KISS1R: variants seen among roughly 807,000 people sequenced by gnomAD.
KISS1R encodes kiSS-1 receptor.
Under a neutral mutation model 22.0 loss-of-function variants are expected in KISS1R, and 19 were observed. The ratio of observed to expected loss-of-function variants is 0.86; its 90% CI spans 0.60 to 1.26. KISS1R has a LOEUF of 1.26. Among genes scored for constraint, KISS1R ranks in the 50% most tolerant of loss-of-function variants. The probability of loss-of-function intolerance (pLI) is 0.00; values close to 1 mark genes in which losing one functional copy is unlikely to be tolerated. For synonymous variants in KISS1R, 302 were observed against 283.9 expected, an observed-to-expected ratio of 1.06 and a Z score of -0.64; for missense variants, 653 against 581.9, an observed-to-expected ratio of 1.12 and a Z score of -1.26.
At position 918,560 on chromosome 19, in the gene KISS1R, G is replaced by T; in HGVS notation, c.261G>T (p.Thr87=). The T allele has an allele frequency of 1.3e-6, 2 of 1,550,706 alleles. No homozygotes were observed. Among genetic ancestry groups the T allele is most frequent in the Non-Finnish European group, 8.7e-7 (1 of 1,147,292 alleles). ...CCACCGCAGCCAACCTGGCGGCCAC[G>T]GACGTGACCTTCCTCCTGTGCTGCG... The part of the protein sequence containing the change: ...TNFYIANLAA[T]DVTFLLCCVP... Residue 87 remains threonine (T), a synonymous_variant, in exon 2 of 5, where the codon ACG becomes ACT. Coordinates refer to ENST00000234371, the MANE Select transcript of KISS1R (RefSeq NM_032551.5).
chr19:917,793 G>C, intron 1 of KISS1R, 47 bp downstream of exon 1: 1 of 1,561,020 alleles, frequency 6.4e-7, no homozygotes, highest in Non-Finnish European at 8.7e-7. Flanking sequence ...CGGGGGCTCC[G>C]AGGGCCGAGC....
rs2037082005 is a variant in KISS1R, at chr19:918,658, A to G, written c.359A>G (p.Tyr120Cys). ...LGDFMCKFVN[Y>C]IQQVSVQATC... is the part of the protein sequence containing the mutation. ...GACTTCATGTGCAAGTTCGTCAACT[A>G]CATCCAGCAGGTGCGCTCCGGAGCA... is the stretch of plus-strand genomic sequence containing the variant. Residue 120 changes from tyrosine (Y) to cysteine (C), a missense_variant, in exon 2 of 5, where the codon TAC (tyrosine) becomes TGC (cysteine). Physicochemically the swap from Tyr to Cys is radical, Grantham distance 194. Transcript: ENST00000234371. 1.9e-6 allele frequency: 3 copies of G among 1,549,448 alleles called. No individual in the cohort carries two copies. Among genetic ancestry groups the G allele is most frequent in the South Asian group, 1.2e-5 (1 of 84,052 alleles).
rs1352014701 is a variant in KISS1R, at chr19:920,775, TCC to T, written c.*29_*30del. The T allele has an allele frequency of 3.2e-6, 4 of 1,261,864 alleles. No individual in the cohort carries two copies. In the African/African-American group the frequency reaches 6.1e-5, roughly 19 times the overall value. 78.2% of individuals were successfully genotyped at this position (1,261,864 alleles called of 1,614,324 possible). A position where few individuals can be genotyped will look rare whatever the true frequency, so the allele number is the denominator to read the frequency against. ...CGGACCCGGTGGGAATCCGAGCGGC[TCC>T]CTCGGGAGCGGGGACTGCTGGAACA... On this transcript the variant is annotated 3_prime_UTR_variant, in exon 5 of 5. Coordinates refer to ENST00000234371, the MANE Select transcript of KISS1R (RefSeq NM_032551.5).
In KISS1R at chr19:918,407, GGGGA is replaced by G. The variant is rs145349054; in HGVS notation, c.245-133_245-130del. 0.54 allele frequency: 505,195 copies of G among 936,200 alleles called. 114,550 individuals are homozygous for G. The highest frequency in any genetic ancestry group is 0.73 in the African/African-American group (41,649 of 57,082). 58.0% of individuals were successfully genotyped at this position (936,200 alleles called of 1,614,324 possible). ...CCGCCCGAGGAGGCCAGGGGCGCTG[GGGGA>G]GGGGGGGGCCTCCCTGAGCCATCCT... On this transcript the variant is annotated intron_variant, in intron 1 of 4. Transcript: ENST00000234371.
At chr19:918,714 G>T in intron 2 of KISS1R, 46 bp downstream of exon 2, 2 of 1,529,274 alleles carry the variant, frequency 1.3e-6, no homozygotes, top group Non-Finnish European at 1.8e-6. Context: ...GGGGACGGGC[G>T]GGGGTGCGCT....
chr19:920,175 TGG>T, intron 4 of KISS1R, 69 bp downstream of exon 4: 2 of 1,480,844 alleles, frequency 1.4e-6, no homozygotes, highest in Non-Finnish European at 8.9e-7. Flanking sequence ...GAGGCGCCGG[TGG>T]GGGCATCTGC....
At position 919,585 on chromosome 19, in the gene KISS1R, G is replaced by T. The variant is rs1182761485; in HGVS notation, c.465G>T (p.Thr155=). The T allele has an allele frequency of 3.2e-6, 5 of 1,550,678 alleles. No homozygotes were observed. In the African/African-American group the frequency reaches 6.9e-5, roughly 21 times the overall value. Residue 155 remains threonine, a synonymous_variant, in exon 3 of 5, where the codon ACG becomes ACT. Coordinates refer to ENST00000234371, the MANE Select transcript of KISS1R (RefSeq NM_032551.5). ...VFPLRALHRR[T]PRLALAVSLS... is the part of the protein sequence containing the mutation. Reference sequence around the variant, plus strand: ...CGTTGCGCGCCCTGCACCGCCGCACGCCCCGCCTGGCGCTGGCTGTCAGCC... The same window carrying T: ...CGTTGCGCGCCCTGCACCGCCGCACTCCCCGCCTGGCGCTGGCTGTCAGCC...
rs1599369419 is a variant in KISS1R, at chr19:917,649, C to T, written c.147C>T (p.Phe49=). 1 of 1,589,414 alleles carries T rather than the reference C, an allele frequency of 6.3e-7. No homozygotes were observed. The highest frequency in any genetic ancestry group is 8.5e-7 in the Non-Finnish European group (1 of 1,169,826). ...AVDAWLVPLF[F]AALMLLGLVG... is the part of the protein sequence containing the mutation. ...ACGCCTGGCTCGTGCCGCTCTTCTT[C>T]GCGGCGCTGATGCTGCTGGGCCTGG... Residue 49 remains phenylalanine (F), a synonymous_variant, in exon 1 of 5, where the codon TTC becomes TTT. Transcript: ENST00000234371.
In KISS1R at chr19:919,937, A is replaced by T. The variant is rs2030638483; in HGVS notation, c.569A>T (p.Tyr190Phe). The change falls in exon 4 of 5, where the codon TAC becomes TTC. Residue 190 changes from tyrosine (Y) to phenylalanine (F), a missense_variant. Transcript: ENST00000234371. ...LHRLSPGPRA[Y>F]CSEAFPSRAL... is the part of the protein sequence containing the mutation. ...CGCCTGTCACCCGGGCCGCGCGCCT[A>T]CTGCAGTGAGGCCTTCCCCAGCCGC... 1 of 1,567,090 alleles carries T rather than the reference A, an allele frequency of 6.4e-7. No homozygotes were observed. Among genetic ancestry groups the T allele is most frequent in the Non-Finnish European group, 8.6e-7 (1 of 1,159,902 alleles).
In KISS1R at chr19:920,619, C is replaced by T. The variant is rs1182797274; in HGVS notation, c.1068C>T (p.Pro356=). 7.3e-7 allele frequency: 1 copy of T among 1,372,402 alleles called. No homozygotes were observed. The highest frequency in any genetic ancestry group is 9.3e-7 in the Non-Finnish European group (1 of 1,073,162). 85.0% of individuals were successfully genotyped at this position (1,372,402 alleles called of 1,614,324 possible). The change falls in exon 5 of 5, where the codon CCC becomes CCT. Residue 356 remains proline (P), a synonymous_variant. Transcript: ENST00000234371. ...CCCGCCGGCCCGGACCCTCGGACCC[C>T]GCAGCCCCACACGCGGAGCTGCTCC... The part of the protein sequence containing the change: ...RRPRRPGPSD[P]AAPHAELLRL...
At position 920,280 on chromosome 19, in the gene KISS1R, A is replaced by AC. The variant is rs527398797; in HGVS notation, c.739-3dup. 3.8e-5 allele frequency: 60 copies of AC among 1,565,990 alleles called. No homozygotes were observed. The highest frequency in any genetic ancestry group is 2.3e-4 in the Middle Eastern group (1 of 4,416). ...CCTTTCGTCTAACCACCTTCACGGC[A>AC]CCCCCCCAGGGGCAGGTGCTGGCAG... On this transcript the variant is annotated splice_polypyrimidine_tract_variant and intron_variant, in intron 4 of 4. Coordinates refer to ENST00000234371, the MANE Select transcript of KISS1R (RefSeq NM_032551.5).
Position 919,886 on chromosome 19 carries a change from T to C in KISS1R, c.518T>C (p.Val173Ala). Residue 173 changes from valine (V) to alanine (A), a missense_variant, in exon 4 of 5, where the codon GTG becomes GCG. Val to Ala is a moderately conservative substitution (Grantham distance 64). Coordinates refer to ENST00000234371, the MANE Select transcript of KISS1R (RefSeq NM_032551.5). ...GCTTGTGGCACAGGCTCTGCGGCGG[T>C]GTCTGCGCCGGTGCTCGCCCTGCAC... ...SLSIWVGSAA[V>A]SAPVLALHRL... 6.5e-7 allele frequency: 1 copy of C among 1,536,024 alleles called. No homozygotes were observed. Among genetic ancestry groups the C allele is most frequent in the Non-Finnish European group, 8.7e-7 (1 of 1,146,200 alleles).
At position 918,668 on chromosome 19, in the gene KISS1R, G is replaced by A; in HGVS notation, c.369G>A (p.Gln123=). Residue 123 remains glutamine, a splice_region_variant and synonymous_variant, in exon 2 of 5, where the codon CAG becomes CAA. Transcript: ENST00000234371. ...FMCKFVNYIQ[Q]VSVQATCATL... ...GCAAGTTCGTCAACTACATCCAGCAGGTGCGCTCCGGAGCAGGAGGGGAGA... is the reference window on the plus strand; with the variant it reads ...GCAAGTTCGTCAACTACATCCAGCAAGTGCGCTCCGGAGCAGGAGGGGAGA... The A allele has an allele frequency of 1.3e-6, 2 of 1,550,268 alleles. No individual in the cohort carries two copies. Among genetic ancestry groups the A allele is most frequent in the Non-Finnish European group, 1.7e-6 (2 of 1,146,776 alleles).
In KISS1R at chr19:917,483, A is replaced by G; in HGVS notation, c.-20A>G. The G allele has an allele frequency of 1.4e-6, 2 of 1,444,846 alleles. No individual in the cohort carries two copies. The highest frequency in any genetic ancestry group is 1.4e-5 in the South Asian group (1 of 71,662). The allele number at this position is 1,444,846 out of a possible 1,614,324, so 89.5% of individuals were successfully genotyped here. ...GGCGCAATCCTGGAGGGCGGCCGGGAGGAGGAGGTGCGCGCGGCCATGCAC... is the reference window on the plus strand; with the variant it reads ...GGCGCAATCCTGGAGGGCGGCCGGGGGGAGGAGGTGCGCGCGGCCATGCAC... On this transcript the variant is annotated 5_prime_UTR_variant, in exon 1 of 5. Coordinates refer to ENST00000234371, the MANE Select transcript of KISS1R (RefSeq NM_032551.5).
chr19:917,651 CG>C lies in KISS1R; in HGVS notation c.151del (p.Ala51ArgfsTer2). 1 of 1,589,962 alleles carries C rather than the reference CG, an allele frequency of 6.3e-7. No homozygotes were observed. The highest frequency in any genetic ancestry group is 8.5e-7 in the Non-Finnish European group (1 of 1,170,056). On this transcript the variant is annotated frameshift_variant, in exon 1 of 5. Transcript: ENST00000234371. LOFTEE classifies it high-confidence loss of function. The stretch of plus-strand genomic sequence containing the variant: ...GCCTGGCTCGTGCCGCTCTTCTTCG[CG>C]GCGCTGATGCTGCTGGGCCTGGTGG... ...VDAWLVPLFF[A>X]ALMLLGLVGN... is the part of the protein sequence containing the mutation.
At position 917,716 on chromosome 19, in the gene KISS1R, C is replaced by G; in HGVS notation, c.214C>G (p.Pro72Ala). 1 of 1,606,476 alleles carries G rather than the reference C, an allele frequency of 6.2e-7. No homozygotes were observed. ...CATCTACGTCATCTGCCGCCACAAG[C>G]CGATGCGGACCGTGACCAACTTCTA... ...LVIYVICRHK[P>A]MRTVTNFYIA... The change falls in exon 1 of 5, where the codon CCG becomes GCG. Residue 72 changes from proline to alanine, a missense_variant. Pro to Ala is a conservative substitution (Grantham distance 27). Coordinates refer to ENST00000234371, the MANE Select transcript of KISS1R (RefSeq NM_032551.5).
Position 917,714 on chromosome 19 carries a change from A to G in KISS1R, c.212A>G (p.Lys71Arg), listed in dbSNP as rs751107234. Reference protein sequence around the residue: ...SLVIYVICRHKPMRTVTNFYI... With the variant: ...SLVIYVICRHRPMRTVTNFYI... ...GTCATCTACGTCATCTGCCGCCACA[A>G]GCCGATGCGGACCGTGACCAACTTC... Residue 71 changes from lysine to arginine, a missense_variant, in exon 1 of 5, where the codon AAG becomes AGG. Lys to Arg is a conservative substitution (Grantham distance 26). Transcript: ENST00000234371. The G allele has an allele frequency of 5.6e-6, 9 of 1,606,394 alleles. No individual in the cohort carries two copies. Among genetic ancestry groups the G allele is most frequent in the Non-Finnish European group, 7.6e-6 (9 of 1,177,094 alleles).
Position 920,382 on chromosome 19 carries a change from C to T in KISS1R, c.831C>T (p.Gly277=), listed in dbSNP as rs376855927. 7.5e-6 allele frequency: 12 copies of T among 1,591,704 alleles called. No homozygotes were observed. The highest frequency in any genetic ancestry group is 9.4e-6 in the Non-Finnish European group (11 of 1,173,956). ...TCCTGCTCTTCGCCGCCTGCTGGGG[C>T]CCCATCCAGCTGTTCCTGGTGCTGC... is the stretch of plus-strand genomic sequence containing the variant. ...AVVLLFAACW[G]PIQLFLVLQA... Residue 277 remains glycine, a synonymous_variant, in exon 5 of 5, where the codon GGC becomes GGT. Transcript: ENST00000234371.
intron 1 of KISS1R, 75 bp downstream of exon 1, chr19:917,821 C>G: frequency 6.7e-7 from 1 of 1,488,260 alleles, no homozygotes; most frequent in Admixed American, 2.1e-5. Flanking sequence ...GGCGCCCTCT[C>G]GCGACGCATC....
Sources: gnomAD v4.1 joint callset for allele counts on GRCh38, gnomAD v4.1.1 for gene constraint, MANE v1.5 for transcripts, NCBI Gene and HGNC (gene_info 2026-07-23, HGNC 2026-07-21) for gene names.